FHOD3: variants seen among roughly 807,000 people sequenced by gnomAD.
FHOD3 encodes the protein formin homology 2 domain containing 3, also known as FH1/FH2 domain-containing protein 3.
Under a neutral mutation model 173.0 loss-of-function variants are expected in FHOD3, and 90 were observed. The observed-to-expected ratio is 0.52, with a 90% CI of 0.44 to 0.62. The LOEUF is 0.62. Among genes scored for constraint, FHOD3 ranks in the 20% least tolerant of loss-of-function variants. FHOD3 has a pLI of 0.00. For synonymous variants in FHOD3, 828 were observed against 823.0 expected (o/e 1.01, Z -0.10); for missense variants, 1,945 against 2,034.7 (o/e 0.96, Z 0.85).
chr18:36,708,996 T>C (rs2040025162), intron 17 of FHOD3, 99 bp from the exon 18 acceptor site: 1 of 1,425,092 alleles, frequency 7.0e-7, no homozygotes, highest in East Asian at 2.3e-5. Flanking sequence ...TTTGGACATC[T>C]GTCCACCACA....
chr18:36,754,244 C>T (rs1228316609), intron 24 of FHOD3, among the ~76,000 whole-genome samples: 1 of 152,076 alleles, frequency 6.6e-6, no homozygotes, highest in Non-Finnish European at 1.5e-5. Context: ...GCCAGTGTCC[C>T]TTATTTTAAA....
Position 36,554,568 on chromosome 18 carries a change from G to A in FHOD3, c.512-21883G>A, listed in dbSNP as rs144932235. 8.0e-3 allele frequency among the ~76,000 whole-genome samples: 1,215 copies of A among 152,164 alleles called. 7 individuals are homozygous for A. Among genetic ancestry groups the A allele is most frequent in the Non-Finnish European group, 0.013 (901 of 68,002 alleles). On this transcript the variant is annotated intron_variant, in intron 5 of 28. Coordinates refer to ENST00000590592, the MANE Select transcript of FHOD3 (RefSeq NM_001281740.3). ...TTAATGGGTGCAGCACACCACCATG[G>A]CACATGTATACCTATGTAACAAACC...
intron 4 of FHOD3, 91 bp from the exon 5 acceptor site, chr18:36,512,347 T>C: frequency 1.0e-6 from 1 of 955,468 alleles, no homozygotes; most frequent in Non-Finnish European, 1.6e-6. Flanking sequence ...CATTCTGGCT[T>C]TAAAGGCTTG....
chr18:36,380,644 C>CCTTTCCTTTCCTTTCCTTTCCTTTCTT (rs2047730527), intron 3 of FHOD3, among the ~76,000 whole-genome samples: 1 of 73,070 alleles, frequency 1.4e-5, no homozygotes, highest in Admixed American at 1.8e-4. Context: ...TTTCCTTTCT[C>CCTTTCCTTTCCTTTCCTTTCCTTTCTT]TGTATCTCTT....
Position 36,709,376 on chromosome 18 carries a change from A to G in FHOD3, c.2518A>G (p.Arg840Gly), listed in dbSNP as rs1472085775. ...GGAGGAGAAGGAGGACAAGCTCTCC[A>G]GGGACAGGACAACTGGTAAATGAAG... ...EREEKEDKLSRDRTTGLWPAG... is the reference protein window; with the variant it reads ...EREEKEDKLSGDRTTGLWPAG... The change falls in exon 18 of 29, where the codon AGG becomes GGG. Residue 840 changes from arginine to glycine, a missense_variant. By Grantham distance (125) the Arg-to-Gly change is moderately radical. Around this residue, in one of 5 missense-constraint regions of FHOD3, gnomAD observed 1,099 missense variants for 1,051.2 expected, o/e 1.05. Transcript: ENST00000590592. 5.0e-6 allele frequency: 8 copies of G among 1,613,294 alleles called. No homozygotes were observed. Among genetic ancestry groups the G allele is most frequent in the Admixed American group, 1.7e-5 (1 of 60,006 alleles).
chr18:36,548,804 C>A (rs2057521436), intron 5 of FHOD3, among the ~76,000 whole-genome samples: 1 of 152,106 alleles, frequency 6.6e-6, no homozygotes, highest in Admixed American at 6.6e-5. Context: ...CTGGATATAC[C>A]AGAGTTTCTT....
chr18:36,653,332 C>G lies in FHOD3; in HGVS notation c.1647-10C>G. On this transcript the variant is annotated splice_polypyrimidine_tract_variant and intron_variant, in intron 12 of 28. Transcript: ENST00000590592. ...GCCACATTGTGAGCGGGCTTTTCTT[C>G]CTTTGACAGTTCCTCTGATTCTTTC... The G allele has an allele frequency of 1.3e-6, 2 of 1,532,248 alleles. No individual in the cohort carries two copies. Among genetic ancestry groups the G allele is most frequent in the Non-Finnish European group, 8.7e-7 (1 of 1,145,192 alleles). The allele number at this position is 1,532,248 out of a possible 1,614,324, so 94.9% of individuals were successfully genotyped here. A position where few individuals can be genotyped will look rare whatever the true frequency, so the allele number is the denominator to read the frequency against.
chr18:36,324,981 G>A (rs1173753426), intron 1 of FHOD3, among the ~76,000 whole-genome samples: 1 of 152,162 alleles, frequency 6.6e-6, no homozygotes, highest in Non-Finnish European at 1.5e-5. Flanking sequence ...ATAGAATACT[G>A]TACAGCCCTG....
chr18:36,739,384 A>T (rs1690680438), intron 20 of FHOD3, among the ~76,000 whole-genome samples: 1 of 152,212 alleles, frequency 6.6e-6, no homozygotes, highest in South Asian at 2.1e-4. Context: ...TCAATAAAAA[A>T]TTTCAGTCTA....
intron 4 of FHOD3, among the ~76,000 whole-genome samples, chr18:36,504,140 C>G (rs1568357764): frequency 1.3e-5 from 2 of 152,180 alleles, no homozygotes; most frequent in Non-Finnish European, 2.9e-5. Context: ...AGGCTGGGCT[C>G]AAACTCCTGA....
At chr18:36,487,427 C>G (rs1396025565) in intron 3 of FHOD3, among the ~76,000 whole-genome samples, 2 of 152,212 alleles carry the variant, frequency 1.3e-5, no homozygotes, top group Admixed American at 6.5e-5. Context: ...TGTGGTCACC[C>G]TGCTGGGCCC....
chr18:36,505,036 A>G (rs1042771030), intron 4 of FHOD3, among the ~76,000 whole-genome samples: 1 of 152,226 alleles, frequency 6.6e-6, no homozygotes, highest in African/African-American at 2.4e-5. Context: ...AGATCCCTCC[A>G]TGCAAGCATG....
At chr18:36,731,963 G>A (rs1013527482) in intron 20 of FHOD3, among the ~76,000 whole-genome samples, 14 of 152,198 alleles carry the variant, frequency 9.2e-5, no homozygotes, top group African/African-American at 2.9e-4. Context: ...TGGAAAAAGG[G>A]TCTTGTACAT....
chr18:36,683,953 G>A (rs138546048), intron 15 of FHOD3, among the ~76,000 whole-genome samples: 4 of 152,316 alleles, frequency 2.6e-5, no homozygotes, highest in Non-Finnish European at 5.9e-5. Context: ...CTTCTGGCTG[G>A]AGGACCATAA....
chr18:36,502,596 A>G (rs756272039), intron 4 of FHOD3, among the ~76,000 whole-genome samples: 61 of 152,276 alleles, frequency 4.0e-4, no homozygotes, highest in Non-Finnish European at 7.9e-4. Flanking sequence ...ATGGCTGCAT[A>G]GTGTTCCATG....
At position 36,645,907 on chromosome 18, in the gene FHOD3, A is replaced by G. The variant is rs887840564; in HGVS notation, c.1197-3409A>G. ...CAGAACTTTAATACTTGTTTATAATAAAGATTTTTAGCAAACTAGGATTAG... is the reference window on the plus strand; with the variant it reads ...CAGAACTTTAATACTTGTTTATAATGAAGATTTTTAGCAAACTAGGATTAG... On this transcript the variant is annotated intron_variant, in intron 10 of 28. Transcript: ENST00000590592. Among the ~76,000 whole-genome samples, 29 of 152,316 alleles carry G rather than the reference A, an allele frequency of 1.9e-4. No homozygotes were observed. In the South Asian group the frequency reaches 2.1e-3, roughly 11 times the overall value.
At chr18:36,319,704 G>A (rs909456315) in intron 1 of FHOD3, among the ~76,000 whole-genome samples, 19 of 152,002 alleles carry the variant, frequency 1.2e-4, no homozygotes, top group African/African-American at 3.6e-4. Context: ...GCACCACATC[G>A]CACTTATTCT....
At chr18:36,610,141 C>T (rs2032524534) in intron 8 of FHOD3, among the ~76,000 whole-genome samples, 1 of 152,178 alleles carries the variant, frequency 6.6e-6, no homozygotes, top group East Asian at 1.9e-4. Context: ...GGGGCTGGCC[C>T]CCACGCTGCT....
chr18:36,647,820 T>A (rs1029761865), intron 10 of FHOD3, among the ~76,000 whole-genome samples: 14 of 152,180 alleles, frequency 9.2e-5, no homozygotes, highest in Non-Finnish European at 1.2e-4. Context: ...CTAGGCAGAT[T>A]ATGATTCCTT....
Sources: allele counts gnomAD v4.1 joint callset (sites outside exome capture counted in the v4.1 genomes callset), GRCh38; gene constraint gnomAD v4.1.1; regional missense constraint gnomAD v4.1.1; transcripts MANE v1.5; gene names NCBI Gene and HGNC (gene_info 2026-07-23, HGNC 2026-07-21).